Variants in SPAG16 observed in about 807,000 individuals in gnomAD.
SPAG16 encodes the protein sperm-associated antigen 16 protein.
A neutral mutation model predicts 80.4 loss-of-function variants in SPAG16; 86 were observed. The observed-to-expected ratio is 1.07, with a 90% CI of 0.90 to 1.28. The LOEUF is 1.28. Among genes scored for constraint, SPAG16 ranks in the 50% most tolerant of loss-of-function variants. The probability of loss-of-function intolerance (pLI) is 0.00; values close to 1 mark genes in which losing one functional copy is unlikely to be tolerated. For missense variants in SPAG16, 870 were observed against 765.3 expected, an observed-to-expected ratio of 1.14 and a Z score of -1.61; for synonymous variants, 294 against 265.9, an observed-to-expected ratio of 1.11 and a Z score of -1.03.
intron 10 of SPAG16, among the ~76,000 whole-genome samples, chr2:213,649,359 C>T (rs1050162065): frequency 6.6e-6 from 1 of 152,166 alleles, no homozygotes; most frequent in Non-Finnish European, 1.5e-5. Flanking sequence ...AAAGGTTATA[C>T]AATGAGGAGG....
intron 9 of SPAG16, among the ~76,000 whole-genome samples, chr2:213,393,717 A>G (rs1332929999): frequency 6.6e-6 from 1 of 152,060 alleles, no homozygotes; most frequent in Non-Finnish European, 1.5e-5. Context: ...GAATATATTT[A>G]TAAACCCACA....
At chr2:213,559,608 TATTTTA>T (rs1417793284) in intron 10 of SPAG16, among the ~76,000 whole-genome samples, 1 of 152,160 alleles carries the variant, frequency 6.6e-6, no homozygotes. Flanking sequence ...ATAGTGCATA[TATTTTA>T]ATTTTAGTTA....
chr2:213,285,801 GT>G (rs1435746241), intron 1 of SPAG16: 1 of 807,644 alleles, frequency 1.2e-6, no homozygotes, highest in Non-Finnish European at 1.8e-6. Context: ...CATAAATGAG[GT>G]TTTATACTGT....
intron 8 of SPAG16, among the ~76,000 whole-genome samples, chr2:213,368,465 A>G (rs1020820713): frequency 1.3e-5 from 2 of 152,230 alleles, no homozygotes; most frequent in Non-Finnish European, 2.9e-5. Context: ...ATCATACTGA[A>G]TGGGCAAAAA....
intron 11 of SPAG16, among the ~76,000 whole-genome samples, chr2:213,908,118 G>A (rs868162333): frequency 2.6e-5 from 4 of 152,198 alleles, no homozygotes; most frequent in Middle Eastern, 3.4e-3. Flanking sequence ...TCACTCTGTA[G>A]CACATAAATA....
chr2:213,698,364 T>C (rs1308442779), intron 10 of SPAG16, among the ~76,000 whole-genome samples: 1 of 152,122 alleles, frequency 6.6e-6, no homozygotes, highest in East Asian at 1.9e-4. Context: ...CGGGCTCAAG[T>C]AATCCTCACA....
chr2:213,569,745 CT>C (rs1173960385), intron 10 of SPAG16, among the ~76,000 whole-genome samples: 1 of 83,722 alleles, frequency 1.2e-5, no homozygotes, highest in Non-Finnish European at 2.1e-5. Context: ...TGATGCTGGC[CT>C]CATAAAATGA....
chr2:213,343,900 GTGTAT>G (rs1216159455), intron 6 of SPAG16, among the ~76,000 whole-genome samples: 1 of 152,068 alleles, frequency 6.6e-6, no homozygotes, highest in Non-Finnish European at 1.5e-5. Context: ...CATCATAGGT[GTGTAT>G]TTGAAATCCA....
At chr2:214,360,419 T>C (rs1245447611) in intron 15 of SPAG16, among the ~76,000 whole-genome samples, 1 of 151,900 alleles carries the variant, frequency 6.6e-6, no homozygotes, top group East Asian at 1.9e-4. Flanking sequence ...CCAACTTCAC[T>C]TTTATAAACA....
At chr2:213,299,682 C>T (rs1017271970) in intron 3 of SPAG16, among the ~76,000 whole-genome samples, 2 of 151,642 alleles carry the variant, frequency 1.3e-5, no homozygotes, top group African/African-American at 2.4e-5. Context: ...TGATACTATC[C>T]GTTTTCTTAG....
At chr2:213,295,960 T>G in intron 1 of SPAG16, 104 bp from the exon 2 acceptor site, 1 of 906,898 alleles carries the variant, frequency 1.1e-6, no homozygotes, top group Admixed American at 2.0e-5. Context: ...ACCAACTTCC[T>G]GGTGAGATAG....
At chr2:214,252,654 C>T (rs771309474) in intron 15 of SPAG16, among the ~76,000 whole-genome samples, 19 of 152,128 alleles carry the variant, frequency 1.2e-4, no homozygotes, top group Non-Finnish European at 2.6e-4. Flanking sequence ...CATAGTATTC[C>T]ATGGTGTATA....
At chr2:214,310,165 CTTTTT>C (rs3044977) in intron 15 of SPAG16, among the ~76,000 whole-genome samples, 1 of 143,784 alleles carries the variant, frequency 7.0e-6, no homozygotes, top group African/African-American at 2.6e-5. Context: ...TTCTTTCTTT[CTTTTT>C]TTTTTTTTGA....
intron 10 of SPAG16, among the ~76,000 whole-genome samples, chr2:213,564,814 AG>A (rs2059708401): frequency 6.6e-6 from 1 of 152,192 alleles, no homozygotes; most frequent in African/African-American, 2.4e-5. Context: ...TACATGTTGT[AG>A]ATTAGGAAAC....
At chr2:213,626,413 A>C (rs2061962793) in intron 10 of SPAG16, among the ~76,000 whole-genome samples, 1 of 152,140 alleles carries the variant, frequency 6.6e-6, no homozygotes, top group Non-Finnish European at 1.5e-5. Flanking sequence ...TGAAACAATA[A>C]AGAAAATTTC....
At chr2:214,290,458 G>A (rs1182218599) in intron 15 of SPAG16, among the ~76,000 whole-genome samples, 2 of 151,962 alleles carry the variant, frequency 1.3e-5, no homozygotes, top group African/African-American at 2.4e-5. Flanking sequence ...TCCTTGAGGT[G>A]CATCATTAGG....
At chr2:214,210,661 GA>G (rs1218208492) in intron 15 of SPAG16, among the ~76,000 whole-genome samples, 1 of 152,018 alleles carries the variant, frequency 6.6e-6, no homozygotes, top group Non-Finnish European at 1.5e-5. Context: ...TTGGAAAAAA[GA>G]AGAATTATTT....
rs113592079 is a variant in SPAG16 at position 214,163,951 on chromosome 2, T to TA, written c.1720+14693dup. On this transcript the variant is annotated intron_variant, in intron 15 of 15. Coordinates refer to ENST00000331683, the MANE Select transcript of SPAG16 (RefSeq NM_024532.5). The stretch of plus-strand genomic sequence containing the variant: ...TGAGTTCAAGTACTAATCACGTCTT[T>TA]AAAAAAAATACCTGTACAGCATTAT... Among the ~76,000 whole-genome samples, 38 of 151,754 alleles carry TA rather than the reference T, an allele frequency of 2.5e-4. 1 individual carries two copies. Among genetic ancestry groups the TA allele is most frequent in the African/African-American group, 8.2e-4 (34 of 41,394 alleles).
chr2:213,690,429 C>T (rs1214406608), intron 10 of SPAG16, among the ~76,000 whole-genome samples: 1 of 152,200 alleles, frequency 6.6e-6, no homozygotes, highest in African/African-American at 2.4e-5. Flanking sequence ...TCCCTCTATC[C>T]ACTGCTTTGA....
Sources: allele counts gnomAD v4.1 joint callset (sites outside exome capture counted in the v4.1 genomes callset), GRCh38; gene constraint gnomAD v4.1.1; transcripts MANE v1.5; gene names NCBI Gene and HGNC (gene_info 2026-07-23, HGNC 2026-07-21).